The following DHX8 variants were observed in gnomAD, a reference collection of about 807,000 sequenced individuals.
The protein encoded by DHX8 is DEAH-box helicase 8.
In DHX8, 67 loss-of-function variants were observed where a neutral mutation model predicts 140.7. That is an observed-to-expected ratio of 0.48 (90% CI 0.39 to 0.58). The LOEUF (loss-of-function observed/expected upper bound fraction) is 0.58. DHX8 is among the 20% of genes least tolerant of loss of function. The pLI is 0.00. For missense variants in DHX8, 887 were observed against 1,550.7 expected (o/e 0.57, Z 7.19); for synonymous variants, 533 against 553.2 (o/e 0.96, Z 0.51).
At chr17:43,510,031 T>C (rs951355192) in intron 16 of DHX8, among the ~76,000 whole-genome samples, 1 of 149,380 alleles carries the variant, frequency 6.7e-6, no homozygotes, top group East Asian at 1.9e-4. Flanking sequence ...GAATTTACTG[T>C]TTTTTGTTTG....
At chr17:43,529,895 T>C, downstream of DHX8, 1 of 1,614,138 alleles carries the variant, frequency 6.2e-7, no homozygotes, top group Non-Finnish European at 8.5e-7. Flanking sequence ...TTCAAATTTC[T>C]CAGGGACAAC....
intron 12 of DHX8, among the ~76,000 whole-genome samples, chr17:43,506,198 G>A (rs1969485721): frequency 6.6e-6 from 1 of 151,788 alleles, no homozygotes; most frequent in Non-Finnish European, 1.5e-5. Context: ...TAGAGATGCG[G>A]TCTCACTATA....
intron 3 of DHX8, 104 bp from the exon 4 acceptor site, chr17:43,491,061 T>C: frequency 2.1e-6 from 1 of 485,148 alleles, no homozygotes; most frequent in South Asian, 5.9e-5. Flanking sequence ...CATGTTCTGT[T>C]TCAGTTTGAT....
At chr17:43,528,725 CG>C (rs1970717413), downstream of DHX8, 1 of 1,614,130 alleles carries the variant, frequency 6.2e-7, no homozygotes, top group East Asian at 2.2e-5. Context: ...AACTTGTACA[CG>C]TAACGCTCAC....
chr17:43,522,442 A>G (rs962736839), intron 22 of DHX8, among the ~76,000 whole-genome samples: 3 of 151,980 alleles, frequency 2.0e-5, no homozygotes, highest in Admixed American at 6.6e-5. Context: ...GAAAAAAAAA[A>G]TTGTGGTTTA....
At chr17:43,529,392 G>A, downstream of DHX8, 1 of 1,436,710 alleles carries the variant, frequency 7.0e-7, no homozygotes. Context: ...CAAGAATTCA[G>A]GTTAGGTAAA....
At chr17:43,519,546 T>C (rs1413105051) in intron 18 of DHX8, 2 of 152,020 alleles carry the variant, frequency 1.3e-5, no homozygotes, top group Admixed American at 6.6e-5. Flanking sequence ...TGGAAGACGT[T>C]TTATCATGTT....
At chr17:43,530,455 T>C (rs1317789451), downstream of DHX8, 6 of 1,348,036 alleles carry the variant, frequency 4.5e-6, no homozygotes, top group Non-Finnish European at 5.7e-6. Flanking sequence ...GGGCCCAAGC[T>C]GCCAGGGAGC....
intron 2 of DHX8, chr17:43,536,348 C>T: frequency 7.7e-7 from 1 of 1,299,498 alleles, no homozygotes; most frequent in South Asian, 1.2e-5. Context: ...AAGCTGCTCT[C>T]TTGTGATTCT....
chr17:43,533,971 G>T, intron 2 of DHX8: 7 of 1,536,310 alleles, frequency 4.6e-6, no homozygotes, highest in South Asian at 1.3e-5. Flanking sequence ...CTGGTGGTGG[G>T]GCTGTGGAAA....
chr17:43,491,804 C>A (rs1968534041), intron 4 of DHX8, among the ~76,000 whole-genome samples: 1 of 151,776 alleles, frequency 6.6e-6, no homozygotes, highest in Non-Finnish European at 1.5e-5. Flanking sequence ...TAGCAGATAG[C>A]AATAAGGGCT....
Position 43,490,382 on chromosome 17 carries a change from T to C in DHX8, c.235-9T>C. On this transcript the variant is annotated splice_polypyrimidine_tract_variant and intron_variant, in intron 2 of 22. Transcript: ENST00000262415. ...GCTGACAATTTTCGTTCTATGTTTC[T>C]TTTCAAAGGATTCTCTTATTAGTAA... is the stretch of plus-strand genomic sequence containing the variant. The C allele has an allele frequency of 6.2e-7, 1 of 1,611,900 alleles. No individual in the cohort carries two copies. Among genetic ancestry groups the C allele is most frequent in the Non-Finnish European group, 8.5e-7 (1 of 1,179,194 alleles).
At chr17:43,539,065 A>G (rs572811979) in intron 3 of DHX8, among the ~76,000 whole-genome samples, 3 of 152,136 alleles carry the variant, frequency 2.0e-5, no homozygotes, top group Non-Finnish European at 2.9e-5. Context: ...CTTACCTCCT[A>G]TGGTCCCTTG....
chr17:43,539,841 A>G (rs547212215), intron 3 of DHX8, among the ~76,000 whole-genome samples: 1 of 152,348 alleles, frequency 6.6e-6, no homozygotes, highest in African/African-American at 2.4e-5. Context: ...TTCTTCAACA[A>G]TTTGCTTTAA....
chr17:43,484,710 C>T (rs1056750131), intron 1 of DHX8, among the ~76,000 whole-genome samples: 2 of 152,132 alleles, frequency 1.3e-5, no homozygotes, highest in Non-Finnish European at 2.9e-5. Context: ...GGCACGATCT[C>T]GGCTCACTGC....
chr17:43,539,713 C>A (rs1288844384), intron 3 of DHX8, among the ~76,000 whole-genome samples: 1 of 152,194 alleles, frequency 6.6e-6, no homozygotes, highest in African/African-American at 2.4e-5. Context: ...ACCATCCTAG[C>A]CCTTCCCTGC....
At chr17:43,509,661 T>C (rs917366575) in intron 16 of DHX8, among the ~76,000 whole-genome samples, 8 of 151,392 alleles carry the variant, frequency 5.3e-5, no homozygotes, top group Admixed American at 3.9e-4. Flanking sequence ...TTTTGGTTTT[T>C]GTTTTTGTTT....
chr17:43,523,062 C>CAAAAAAAA (rs5820498), intron 22 of DHX8, among the ~76,000 whole-genome samples: 1 of 102,716 alleles, frequency 9.7e-6, no homozygotes, highest in Non-Finnish European at 2.0e-5. Flanking sequence ...GACTCCGTCC[C>CAAAAAAAA]AAAAAAAAAA....
Position 43,493,674 on chromosome 17 carries a change from G to A in DHX8, c.1009-9G>A. On this transcript the variant is annotated splice_polypyrimidine_tract_variant and intron_variant, in intron 7 of 22. Transcript: ENST00000262415. ...CAAGTGAGACAGCTCCCTTGTTTTTGTGCCTTAGGATGTGGATCAAGAGAC... is the reference window on the plus strand; with the variant it reads ...CAAGTGAGACAGCTCCCTTGTTTTTATGCCTTAGGATGTGGATCAAGAGAC... The A allele has an allele frequency of 6.2e-7, 1 of 1,614,200 alleles. No individual in the cohort carries two copies. Among genetic ancestry groups the A allele is most frequent in the Non-Finnish European group, 8.5e-7 (1 of 1,180,028 alleles).
Sources: allele counts gnomAD v4.1 joint callset (sites outside exome capture counted in the v4.1 genomes callset), GRCh38; gene constraint gnomAD v4.1.1; transcripts MANE v1.5; gene names NCBI Gene and HGNC (gene_info 2026-07-23, HGNC 2026-07-21).